ADAMTS8: variants seen among roughly 807,000 people sequenced by gnomAD.
ADAMTS8 encodes the protein ADAM metallopeptidase with thrombospondin type 1 motif 8.
Under a neutral mutation model 64.4 loss-of-function variants are expected in ADAMTS8, and 50 were observed. That is an observed-to-expected ratio of 0.78 (90% CI 0.62 to 0.98). The LOEUF (loss-of-function observed/expected upper bound fraction) is 0.98, where lower values mean the gene tolerates loss of function less well. Among genes scored for constraint, ADAMTS8 ranks in the 50% least tolerant of loss-of-function variants. The pLI is 0.00. For synonymous variants in ADAMTS8, 556 were observed against 533.6 expected, an observed-to-expected ratio of 1.04 and a Z score of -0.58; for missense variants, 1,192 against 1,208.2, an observed-to-expected ratio of 0.99 and a Z score of 0.20.
rs1179568560 is a variant in ADAMTS8, at chr11:130,406,008, C to A, written c.2220G>T (p.Gly740=). ...GNYLALKTAD[G]QYLLNGNLAI... is the part of the protein sequence containing the mutation. The stretch of plus-strand genomic sequence containing the variant: ...CCAGGTTGCCGTTGAGCAGGTACTG[C>A]CCATCAGCCGTCTTCAGCGCCAGGT... Residue 740 remains glycine, a synonymous_variant, in exon 9 of 9, where the codon GGG becomes GGT. Transcript: ENST00000257359. The A allele has an allele frequency of 1.2e-6, 2 of 1,614,108 alleles. No individual in the cohort carries two copies. The highest frequency in any genetic ancestry group is 1.3e-5 in the African/African-American group (1 of 74,956).
In ADAMTS8 at chr11:130,414,611, C is replaced by T. The variant is rs759334242; in HGVS notation, c.1486G>A (p.Ala496Thr). 1 of 1,613,464 alleles carries T rather than the reference C, an allele frequency of 6.2e-7. No individual in the cohort carries two copies. The highest frequency in any genetic ancestry group is 1.6e-4 in the Middle Eastern group (1 of 6,062). ...CCAGGCCCGCACGGCGTGCCGTCAG[C>T]CCAGGGCAGGCTGCCATTCTTCGTG... The part of the protein sequence containing the change: ...CHTKNGSLPW[A>T]DGTPCGPGHL... The change falls in exon 5 of 9, where the codon GCT becomes ACT. Residue 496 changes from alanine to threonine, a missense_variant. Physicochemically the swap from Ala to Thr is moderately conservative, Grantham distance 58 (BLOSUM62 0). Transcript: ENST00000257359.
In ADAMTS8 at chr11:130,414,752, C is replaced by T. The variant is rs1443972633; in HGVS notation, c.1345G>A (p.Asp449Asn). ...CCAAAGATCTGCCTGCACTGCTGGTCCAGCTGGTACAGGGCCATGCGGCCC... is the reference window on the plus strand; with the variant it reads ...CCAAAGATCTGCCTGCACTGCTGGTTCAGCTGGTACAGGGCCATGCGGCCC... ...LPGRMALYQL[D>N]QQCRQIFGPD... is the part of the protein sequence containing the mutation. Residue 449 changes from aspartate (D) to asparagine (N), a missense_variant, in exon 5 of 9, where the codon GAC becomes AAC. Transcript: ENST00000257359. 4 of 1,613,432 alleles carry T rather than the reference C, an allele frequency of 2.5e-6. No individual in the cohort carries two copies. The African/African-American group carries it at 5.3e-5, about 22-fold the overall frequency.
At position 130,416,855 on chromosome 11, in the gene ADAMTS8, A is replaced by G. The variant is rs2134683724; in HGVS notation, c.1096+85T>C. 1 of 1,577,834 alleles carries G rather than the reference A, an allele frequency of 6.3e-7. No homozygotes were observed. The highest frequency in any genetic ancestry group is 8.7e-7 in the Non-Finnish European group (1 of 1,155,720). ...AGCTATTCCTAAGCAAGGGCCGCAT[A>G]TTCCTTAGGATCTACGCAACCTTGG... On this transcript the variant is annotated intron_variant, in intron 3 of 8. Coordinates refer to ENST00000257359, the MANE Select transcript of ADAMTS8 (RefSeq NM_007037.6). This position sits in a 1 kb window ranked among gnomAD's most constrained non-coding sequence, Gnocchi z 4.8.
chr11:130,410,835 C>A (rs1861942977), intron 6 of ADAMTS8, among the ~76,000 whole-genome samples: 1 of 152,158 alleles, frequency 6.6e-6, no homozygotes, highest in Non-Finnish European at 1.5e-5. Context: ...GTATTCCTTC[C>A]TGGGAAGATT....
In ADAMTS8 at chr11:130,415,433, A is replaced by G. The variant is rs1862008698; in HGVS notation, c.1265-601T>C. ...ATTCTTCTGCCTCAGCCTCCTGAGTAGCTAGGACTACAGGCGTGTGCTACC... is the reference window on the plus strand; with the variant it reads ...ATTCTTCTGCCTCAGCCTCCTGAGTGGCTAGGACTACAGGCGTGTGCTACC... On this transcript the variant is annotated intron_variant, in intron 4 of 8. Transcript: ENST00000257359. 3.3e-5 allele frequency among the ~76,000 whole-genome samples: 5 copies of G among 151,950 alleles called. No homozygotes were observed. The South Asian group carries it at 1.0e-3, about 32-fold the overall frequency.
In ADAMTS8 at chr11:130,411,459, C is replaced by T; in HGVS notation, c.1708G>A (p.Ala570Thr). The T allele has an allele frequency of 6.2e-7, 1 of 1,614,172 alleles. No individual in the cohort carries two copies. Among genetic ancestry groups the T allele is most frequent in the Non-Finnish European group, 8.5e-7 (1 of 1,180,012 alleles). ...TCCGTGTGGCATGACTGGTACTTGG[C>T]TCTCCGACCCAGGCAGTATCTTCCT... The part of the protein sequence containing the change: ...NGGRYCLGRR[A>T]KYQSCHTEEC... The change falls in exon 6 of 9, where the codon GCC becomes ACC. Residue 570 changes from alanine to threonine, a missense_variant. By Grantham distance (58) the Ala-to-Thr change is moderately conservative. Transcript: ENST00000257359. The surrounding 1 kb of genome is among the most constrained non-coding windows in gnomAD (Gnocchi z 4.2).
At chr11:130,422,149 T>A (rs1162872962) in intron 1 of ADAMTS8, among the ~76,000 whole-genome samples, 1 of 151,964 alleles carries the variant, frequency 6.6e-6, no homozygotes, top group African/African-American at 2.4e-5. Flanking sequence ...GGAGTAGAGA[T>A]GAACATCAGG....
At position 130,417,840 on chromosome 11, in the gene ADAMTS8, C is replaced by T. The variant is rs920407592; in HGVS notation, c.961-765G>A. Among the ~76,000 whole-genome samples, 9 of 151,972 alleles carry T rather than the reference C, an allele frequency of 5.9e-5. No individual in the cohort carries two copies. In the South Asian group the frequency reaches 1.9e-3, roughly 32 times the overall value. ...TTTATGGTCAAGCCAGTTCACCCGT[C>T]CCCCATCTTTCTAAATTGGAGAGTA... On this transcript the variant is annotated intron_variant, in intron 2 of 8. Coordinates refer to ENST00000257359, the MANE Select transcript of ADAMTS8 (RefSeq NM_007037.6).
At position 130,418,911 on chromosome 11, in the gene ADAMTS8, T is replaced by C; in HGVS notation, c.960+142A>G. 5 of 1,365,480 alleles carry C rather than the reference T, an allele frequency of 3.7e-6. No individual in the cohort carries two copies. The African/African-American group carries it at 7.2e-5, about 20-fold the overall frequency. The allele number at this position is 1,365,480 out of a possible 1,614,324, so 84.6% of individuals were successfully genotyped here. Reference sequence around the variant, plus strand: ...CACACTTGTCCTCATGACCTCCTCATCATTCTGGGCATGAGGCTCTGGCGT... The same window carrying C: ...CACACTTGTCCTCATGACCTCCTCACCATTCTGGGCATGAGGCTCTGGCGT... On this transcript the variant is annotated intron_variant, in intron 2 of 8. Transcript: ENST00000257359.
Position 130,428,071 on chromosome 11 carries a change from G to A in ADAMTS8, c.216C>T (p.Asp72=). 4 of 1,536,160 alleles carry A rather than the reference G, an allele frequency of 2.6e-6. No individual in the cohort carries two copies. Among genetic ancestry groups the A allele is most frequent in the Non-Finnish European group, 3.5e-6 (4 of 1,149,834 alleles). The change falls in exon 1 of 9, where the codon GAC becomes GAT. Residue 72 remains aspartate, a synonymous_variant. Coordinates refer to ENST00000257359, the MANE Select transcript of ADAMTS8 (RefSeq NM_007037.6). The part of the protein sequence containing the change: ...KGFVLRLAPD[D]SFLAPEFKIE... Reference sequence around the variant, plus strand: ...TCTTGAACTCGGGCGCTAGGAAGCTGTCGTCGGGCGCCAGGCGCAGCACGA... The same window carrying A: ...TCTTGAACTCGGGCGCTAGGAAGCTATCGTCGGGCGCCAGGCGCAGCACGA...
chr11:130,425,596 CTTTTTTCTTTT>C (rs1862153645), intron 1 of ADAMTS8, among the ~76,000 whole-genome samples: 1 of 139,802 alleles, frequency 7.2e-6, no homozygotes, highest in African/African-American at 3.1e-5. Context: ...TTGTGTTTTT[CTTTTTTCTTTT>C]TTTTTTTTTT....
intron 5 of ADAMTS8, among the ~76,000 whole-genome samples, chr11:130,414,177 G>T: frequency 6.8e-6 from 1 of 147,756 alleles, no homozygotes. Flanking sequence ...AGGCTAGAGT[G>T]CAGTGGCATG....
rs572124856 is a variant in ADAMTS8 at position 130,416,305 on chromosome 11, G to A, written c.1122C>T (p.Asp374=). Residue 374 remains aspartate, a synonymous_variant, in exon 4 of 9, where the codon GAC becomes GAT. Coordinates refer to ENST00000257359, the MANE Select transcript of ADAMTS8 (RefSeq NM_007037.6). This position sits in a 1 kb window ranked among gnomAD's most constrained non-coding sequence, Gnocchi z 4.8. ...AGAGCCGTGTGCAGGGCTTGGAGTCGTCGTGGGGCATGCTGAGGACGTGCC... is the reference window on the plus strand; with the variant it reads ...AGAGCCGTGTGCAGGGCTTGGAGTCATCGTGGGGCATGCTGAGGACGTGCC... ...ELGHVLSMPH[D]DSKPCTRLFG... 42 of 1,571,138 alleles carry A rather than the reference G, an allele frequency of 2.7e-5. No individual in the cohort carries two copies. The highest frequency in any genetic ancestry group is 7.0e-5 in the East Asian group (3 of 42,764).
intron 1 of ADAMTS8, among the ~76,000 whole-genome samples, chr11:130,425,727 A>T (rs1340225511): frequency 6.6e-6 from 1 of 151,186 alleles, no homozygotes; most frequent in African/African-American, 2.4e-5. Flanking sequence ...CAGCCTCCCG[A>T]GTAGCTGGGA....
At position 130,427,966 on chromosome 11, in the gene ADAMTS8, A is replaced by G; in HGVS notation, c.321T>C (p.Asn107=). 2.0e-6 allele frequency: 3 copies of G among 1,531,498 alleles called. No homozygotes were observed. The highest frequency in any genetic ancestry group is 2.6e-6 in the Non-Finnish European group (3 of 1,145,480). 94.9% of individuals were successfully genotyped at this position (1,531,498 alleles called of 1,614,324 possible). A position where few individuals can be genotyped will look rare whatever the true frequency, so the allele number is the denominator to read the frequency against. The change falls in exon 1 of 9, where the codon AAT becomes AAC. Residue 107 remains asparagine, a synonymous_variant. Transcript: ENST00000257359. ...CCGCCGCCAGCGACTCGGGCTCCCC[A>G]TTCACGGTGCCGGAGAAGAAGCAGC... ...LRGCFFSGTV[N]GEPESLAAVS...
Position 130,419,336 on chromosome 11 carries a change from C to G in ADAMTS8, c.721-44G>C, listed in dbSNP as rs761122676. On this transcript the variant is annotated intron_variant, in intron 1 of 8. Coordinates refer to ENST00000257359, the MANE Select transcript of ADAMTS8 (RefSeq NM_007037.6). ...CAAGAGGCGGAGTGAAGGGTTAAGTCTCAGGGCCCTTGGCCTGGCCTGTCC... is the reference window on the plus strand; with the variant it reads ...CAAGAGGCGGAGTGAAGGGTTAAGTGTCAGGGCCCTTGGCCTGGCCTGTCC... 7 of 1,610,718 alleles carry G rather than the reference C, an allele frequency of 4.3e-6. No homozygotes were observed. In the South Asian group the frequency reaches 5.5e-5, roughly 13 times the overall value.
In ADAMTS8 at chr11:130,416,713, C is replaced by T. The variant is rs1489317561; in HGVS notation, c.1096+227G>A. On this transcript the variant is annotated intron_variant, in intron 3 of 8. Transcript: ENST00000257359. The surrounding 1 kb of genome is among the most constrained non-coding windows in gnomAD (Gnocchi z 4.8). ...CATTTGCCCGGTGACCTGTGATAATCGTGTGGGATGCTGCTTTTGTATTTT... is the reference window on the plus strand; with the variant it reads ...CATTTGCCCGGTGACCTGTGATAATTGTGTGGGATGCTGCTTTTGTATTTT... Among the ~76,000 whole-genome samples the T allele has an allele frequency of 2.0e-5, 3 of 152,156 alleles. No individual in the cohort carries two copies. Among genetic ancestry groups the T allele is most frequent in the East Asian group, 1.9e-4 (1 of 5,178 alleles).
At chr11:130,422,923 G>A (rs895550933) in intron 1 of ADAMTS8, among the ~76,000 whole-genome samples, 9 of 152,194 alleles carry the variant, frequency 5.9e-5, no homozygotes, top group African/African-American at 2.2e-4. Flanking sequence ...TGAGTATGTC[G>A]TCTGGACCAG....
At chr11:130,410,635 G>A (rs1861940764) in intron 6 of ADAMTS8, among the ~76,000 whole-genome samples, 1 of 152,220 alleles carries the variant, frequency 6.6e-6, no homozygotes, top group Non-Finnish European at 1.5e-5. Context: ...CTAAGGCTCT[G>A]CCTGATTTTT....
Sources: gnomAD v4.1 joint callset for allele counts (sites outside exome capture counted in the v4.1 genomes callset) on GRCh38, gnomAD v4.1.1 for gene constraint, Gnocchi (gnomAD v3.1) non-coding constraint, MANE v1.5 for transcripts, NCBI Gene and HGNC (gene_info 2026-07-23, HGNC 2026-07-21) for gene names.